Variants in SAFB observed in about 807,000 individuals in gnomAD.
The protein encoded by SAFB is scaffold attachment factor B.
SAFB carries 15 observed loss-of-function variants against 101.6 expected under a neutral mutation model. That is an observed-to-expected ratio of 0.15 (90% CI 0.10 to 0.23). The LOEUF is 0.23. Ranked by LOEUF, SAFB falls within the 10% of genes least tolerant of loss-of-function variation. SAFB has a pLI of 1.00. For synonymous variants in SAFB, 449 were observed against 407.5 expected (o/e 1.10, Z -1.23); for missense variants, 930 against 1,104.1 (o/e 0.84, Z 2.23).
Position 5,668,163 on chromosome 19 carries a change from C to A in SAFB, c.2626C>A (p.Arg876Ser). The change falls in exon 21 of 21, where the codon CGC becomes AGC. Residue 876 changes from arginine (R) to serine (S), a missense_variant and splice_region_variant. By Grantham distance (110) the Arg-to-Ser change is moderately radical. Coordinates refer to ENST00000588852, the MANE Select transcript of SAFB (RefSeq NM_001201338.2). ...HMMNRGGMSGRGSFAPGGASR... is the reference protein window; with the variant it reads ...HMMNRGGMSGSGSFAPGGASR... Reference sequence around the variant, plus strand: ...AAACCAATGTGAATTTGTTCCTAGGCGCGGCAGCTTTGCCCCAGGCGGGGC... The same window carrying A: ...AAACCAATGTGAATTTGTTCCTAGGAGCGGCAGCTTTGCCCCAGGCGGGGC... 1 of 1,606,744 alleles carries A rather than the reference C, an allele frequency of 6.2e-7. No homozygotes were observed. Among genetic ancestry groups the A allele is most frequent in the East Asian group, 2.2e-5 (1 of 44,524 alleles).
intron 2 of SAFB, among the ~76,000 whole-genome samples, chr19:5,631,342 G>A (rs2145405181): frequency 6.6e-6 from 1 of 152,280 alleles, no homozygotes; most frequent in African/African-American, 2.4e-5. Context: ...ATGTAAAATG[G>A]AGCCATGCAA....
chr19:5,667,123 C>G lies in SAFB; in HGVS notation c.2412C>G (p.Asp804Glu), dbSNP rs2054345742. ...ATGGCTGGGGGGGCTATGGCTCTGA[C>G]AAGAGGATGAGCGAGGGCCGGGGGC... ...SRDGWGGYGS[D>E]KRMSEGRGLP... The change falls in exon 18 of 21, where the codon GAC (aspartate) becomes GAG (glutamate). Residue 804 changes from aspartate to glutamate, a missense_variant. Coordinates refer to ENST00000588852, the MANE Select transcript of SAFB (RefSeq NM_001201338.2). This position sits in a 1 kb window ranked among gnomAD's most constrained non-coding sequence, Gnocchi z 4.0. 2.5e-6 allele frequency: 4 copies of G among 1,611,748 alleles called. No individual in the cohort carries two copies. The highest frequency in any genetic ancestry group is 3.4e-6 in the Non-Finnish European group (4 of 1,178,856).
chr19:5,630,754 CAAA>C (rs1027303210), intron 2 of SAFB, among the ~76,000 whole-genome samples: 1 of 78,964 alleles, frequency 1.3e-5, no homozygotes, highest in Non-Finnish European at 2.7e-5. Context: ...AGCTTCGTCT[CAAA>C]AAAAAAAAAA....
intron 5 of SAFB, among the ~76,000 whole-genome samples, chr19:5,646,152 C>T (rs1447917904): frequency 6.6e-6 from 1 of 152,128 alleles, no homozygotes; most frequent in Admixed American, 6.5e-5. Context: ...AAGATCGAGC[C>T]AGCTTTTGCC....
intron 14 of SAFB, among the ~76,000 whole-genome samples, chr19:5,659,078 GTTGCAGTGAGCCGAGA>G (rs1285158137): frequency 6.6e-6 from 1 of 151,398 alleles, no homozygotes; most frequent in East Asian, 2.0e-4. Flanking sequence ...GGAGGTGGAG[GTTGCAGTGAGCCGAGA>G]TTGCGCCACT....
At chr19:5,666,882 G>T in intron 17 of SAFB, 164 bp from the exon 18 acceptor site, 1 of 720,250 alleles carries the variant, frequency 1.4e-6, no homozygotes. Flanking sequence ...CCTCTGGCCT[G>T]CAGATTTCAG....
intron 2 of SAFB, among the ~76,000 whole-genome samples, chr19:5,627,643 C>A (rs1372833563): frequency 6.6e-6 from 1 of 152,206 alleles, no homozygotes; most frequent in African/African-American, 2.4e-5. Flanking sequence ...CCCCCACACC[C>A]TGTGCTTTAG....
intron 2 of SAFB, among the ~76,000 whole-genome samples, chr19:5,628,393 T>G (rs1170134891): frequency 6.6e-6 from 1 of 152,222 alleles, no homozygotes; most frequent in Non-Finnish European, 1.5e-5. Context: ...CATAATGAGA[T>G]AATCTTGGGA....
intron 15 of SAFB, 50 bp downstream of exon 15, chr19:5,661,858 G>C (rs1326844873): frequency 3.1e-6 from 4 of 1,295,810 alleles, no homozygotes; most frequent in Admixed American, 2.6e-5. Flanking sequence ...AATCGTGTTA[G>C]GGACCTCACA....
intron 6 of SAFB, 57 bp downstream of exon 6, chr19:5,648,100 C>G (rs1373505400): frequency 7.2e-7 from 1 of 1,382,374 alleles, no homozygotes; most frequent in Admixed American, 1.9e-5. Context: ...AGTTTTCCAC[C>G]TTCTCTAATT....
In SAFB at chr19:5,664,433, A is replaced by G. The variant is rs755606971; in HGVS notation, c.2328A>G (p.Glu776=). The G allele has an allele frequency of 1.2e-6, 2 of 1,613,008 alleles. No individual in the cohort carries two copies. Among genetic ancestry groups the G allele is most frequent in the South Asian group, 2.2e-5 (2 of 91,058 alleles). The stretch of plus-strand genomic sequence containing the variant: ...CAAGGTCAATGATGGGAGAACGAGA[A>G]GGACAGGTAAGTCTGAAGCTACAGT... ...EGSRSMMGER[E]GQHYPERHGG... The change falls in exon 17 of 21, where the codon GAA becomes GAG. Residue 776 remains glutamate, a synonymous_variant. Coordinates refer to ENST00000588852, the MANE Select transcript of SAFB (RefSeq NM_001201338.2).
At position 5,668,292 on chromosome 19, in the gene SAFB, G is replaced by A; in HGVS notation, c.*1G>A. On this transcript the variant is annotated 3_prime_UTR_variant, in exon 21 of 21. Coordinates refer to ENST00000588852, the MANE Select transcript of SAFB (RefSeq NM_001201338.2). The stretch of plus-strand genomic sequence containing the variant: ...TGCCCGCTTCACTCGCCGCTACTGA[G>A]TACTTGGAATCCTGTGTCCTGTCTC... 6.2e-7 allele frequency: 1 copy of A among 1,611,178 alleles called. No individual in the cohort carries two copies. The highest frequency in any genetic ancestry group is 8.5e-7 in the Non-Finnish European group (1 of 1,179,434).
chr19:5,638,842 C>T (rs2145422007), intron 2 of SAFB, among the ~76,000 whole-genome samples: 1 of 151,908 alleles, frequency 6.6e-6, no homozygotes, highest in Admixed American at 6.6e-5. Context: ...CTGCCTCATC[C>T]TCCCCAAGCT....
Position 5,668,371 on chromosome 19 carries a change from T to A in SAFB, c.*80T>A. On this transcript the variant is annotated 3_prime_UTR_variant, in exon 21 of 21. Transcript: ENST00000588852. ...GTTACCTTAAACTGTGTAAAAATAT[T>A]TTTTTTTAATCTGCTGCCATATTGT... is the stretch of plus-strand genomic sequence containing the variant. The A allele has an allele frequency of 2.0e-6, 3 of 1,477,166 alleles. No homozygotes were observed. The highest frequency in any genetic ancestry group is 2.7e-6 in the Non-Finnish European group (3 of 1,112,210). 91.5% of individuals were successfully genotyped at this position (1,477,166 alleles called of 1,614,324 possible). A position where few individuals can be genotyped will look rare whatever the true frequency, so the allele number is the denominator to read the frequency against.
chr19:5,640,722 T>C (rs2053690678), intron 2 of SAFB, among the ~76,000 whole-genome samples: 1 of 151,850 alleles, frequency 6.6e-6, no homozygotes, highest in Admixed American at 6.6e-5. Context: ...CCTGAGTAGC[T>C]GAGATTACTG....
intron 2 of SAFB, among the ~76,000 whole-genome samples, chr19:5,627,351 C>T (rs766128415): frequency 6.6e-6 from 1 of 152,048 alleles, no homozygotes; most frequent in Non-Finnish European, 1.5e-5. Context: ...GCCTGTTTTC[C>T]TAGCTACTTG....
At chr19:5,645,280 C>T in intron 4 of SAFB, 57 bp from the exon 5 acceptor site, 3 of 767,720 alleles carry the variant, frequency 3.9e-6, no homozygotes, top group East Asian at 2.5e-5. Context: ...ACAGATGTAC[C>T]ATTATGTTAC....
At chr19:5,655,440 A>G (rs1343471879) in intron 13 of SAFB, among the ~76,000 whole-genome samples, 1 of 144,550 alleles carries the variant, frequency 6.9e-6, no homozygotes, top group Non-Finnish European at 1.5e-5. Flanking sequence ...AGCCTGGGAG[A>G]GAGAGTGAGA....
At chr19:5,627,327 A>G (rs563460207) in intron 2 of SAFB, among the ~76,000 whole-genome samples, 1 of 151,720 alleles carries the variant, frequency 6.6e-6, no homozygotes, top group Admixed American at 6.6e-5. Context: ...AAAAGTACCT[A>G]GGCGTCGAGG....
Sources: allele counts gnomAD v4.1 joint callset (sites outside exome capture counted in the v4.1 genomes callset), GRCh38; gene constraint gnomAD v4.1.1; non-coding constraint Gnocchi (gnomAD v3.1); transcripts MANE v1.5; gene names NCBI Gene and HGNC (gene_info 2026-07-23, HGNC 2026-07-21).